Variants in SNX24 observed in about 807,000 individuals in gnomAD.
The protein encoded by SNX24 is sorting nexin-24.
Under a neutral mutation model 28.7 loss-of-function variants are expected in SNX24, and 22 were observed. The observed-to-expected ratio is 0.77, with a 90% CI of 0.55 to 1.10. The LOEUF (loss-of-function observed/expected upper bound fraction) is 1.10, where lower values mean the gene tolerates loss of function less well. Ranked by LOEUF, SNX24 falls within the 50% of genes least tolerant of loss-of-function variation. The probability of loss-of-function intolerance (pLI) is 0.00; values close to 1 mark genes in which losing one functional copy is unlikely to be tolerated. For synonymous variants in SNX24, 69 were observed against 71.5 expected (o/e 0.96, Z 0.18); for missense variants, 221 against 201.1 (o/e 1.10, Z -0.60).
intron 5 of SNX24, among the ~76,000 whole-genome samples, chr5:123,026,260 C>T (rs971844883): frequency 1.6e-4 from 25 of 152,176 alleles, no homozygotes; most frequent in African/African-American, 5.8e-4. Context: ...TCCATGACTT[C>T]GCTCTGAAGT....
At chr5:123,002,916 T>C (rs1335622352) in intron 6 of SNX24, among the ~76,000 whole-genome samples, 1 of 152,214 alleles carries the variant, frequency 6.6e-6, no homozygotes, top group African/African-American at 2.4e-5. Flanking sequence ...GATATTATCA[T>C]TGACTGAATG....
intron 1 of SNX24, chr5:122,891,055 A>T (rs1756945968): frequency 6.5e-7 from 1 of 1,528,394 alleles, no homozygotes. Context: ...AGAGCCTTCC[A>T]GACAAAAATG....
At chr5:122,929,037 G>T (rs1285207016) in intron 1 of SNX24, among the ~76,000 whole-genome samples, 3 of 151,894 alleles carry the variant, frequency 2.0e-5, no homozygotes, top group African/African-American at 4.8e-5. Context: ...TGTAAGTAAG[G>T]TCTGTTAGGG....
intron 1 of SNX24, among the ~76,000 whole-genome samples, chr5:122,860,671 A>C (rs1755419388): frequency 6.6e-6 from 1 of 152,122 alleles, no homozygotes; most frequent in South Asian, 2.1e-4. Flanking sequence ...GTCTTAGCTC[A>C]CTGCAAGCTC....
chr5:122,885,687 C>A (rs1029840939), intron 1 of SNX24, among the ~76,000 whole-genome samples: 10 of 152,070 alleles, frequency 6.6e-5, no homozygotes, highest in African/African-American at 2.4e-4. Context: ...GATGAGCAGC[C>A]AGTTAAGGTT....
chr5:122,896,671 T>C (rs1757215550), intron 1 of SNX24, among the ~76,000 whole-genome samples: 1 of 152,188 alleles, frequency 6.6e-6, no homozygotes, highest in African/African-American at 2.4e-5. Context: ...AACAATACCA[T>C]ATGTACTGTC....
chr5:122,847,247 T>C (rs2150026662), intron 1 of SNX24, among the ~76,000 whole-genome samples: 1 of 152,340 alleles, frequency 6.6e-6, no homozygotes, highest in South Asian at 2.1e-4. Flanking sequence ...TTGCCCATTG[T>C]TGATTTTCTT....
At chr5:123,018,762 C>T (rs892641669) in intron 5 of SNX24, among the ~76,000 whole-genome samples, 2 of 151,928 alleles carry the variant, frequency 1.3e-5, no homozygotes, top group African/African-American at 4.8e-5. Context: ...TATCGGCTCA[C>T]TGCAACCTCC....
chr5:122,891,550 A>T (rs949486513), intron 1 of SNX24, among the ~76,000 whole-genome samples: 1 of 152,146 alleles, frequency 6.6e-6, no homozygotes, highest in African/African-American at 2.4e-5. Context: ...TATAAGTATT[A>T]TAAGTCTTAC....
chr5:122,866,214 A>C (rs182138796), intron 1 of SNX24, among the ~76,000 whole-genome samples: 71 of 152,270 alleles, frequency 4.7e-4, no homozygotes, highest in Non-Finnish European at 1.9e-4. Flanking sequence ...CAGTGGCGAG[A>C]TCTCAGCTCA....
chr5:122,930,387 T>G (rs1758898634), intron 1 of SNX24, among the ~76,000 whole-genome samples: 1 of 152,262 alleles, frequency 6.6e-6, no homozygotes. Context: ...AGATGACTAT[T>G]AAATAATATT....
chr5:122,885,484 C>T (rs1438468645), intron 1 of SNX24, among the ~76,000 whole-genome samples: 1 of 152,184 alleles, frequency 6.6e-6, no homozygotes, highest in African/African-American at 2.4e-5. Flanking sequence ...TGGCTTCCTC[C>T]TTTCCCCCCT....
chr5:122,931,618 G>A (rs1385112729), intron 1 of SNX24, among the ~76,000 whole-genome samples: 1 of 151,958 alleles, frequency 6.6e-6, no homozygotes, highest in Non-Finnish European at 1.5e-5. Context: ...ATATATGCAT[G>A]TATATGTATA....
chr5:122,860,594 A>T (rs914894307), intron 1 of SNX24, among the ~76,000 whole-genome samples: 1 of 152,018 alleles, frequency 6.6e-6, no homozygotes, highest in Non-Finnish European at 1.5e-5. Flanking sequence ...GAGTGAAATA[A>T]TTTTTTTATT....
chr5:122,912,977 C>A (rs1757959440), intron 1 of SNX24, among the ~76,000 whole-genome samples: 1 of 152,030 alleles, frequency 6.6e-6, no homozygotes, highest in African/African-American at 2.4e-5. Flanking sequence ...CGCCCTTAAT[C>A]CATTTAACCC....
chr5:123,014,212 G>A (rs1762641219), intron 5 of SNX24, among the ~76,000 whole-genome samples: 1 of 152,050 alleles, frequency 6.6e-6, no homozygotes, highest in Admixed American at 6.6e-5. Flanking sequence ...TGTTGCCCAG[G>A]CTGGAGTACA....
At chr5:122,873,194 C>G (rs541959383) in intron 1 of SNX24, among the ~76,000 whole-genome samples, 1 of 152,146 alleles carries the variant, frequency 6.6e-6, no homozygotes, top group East Asian at 1.9e-4. Context: ...TGGGTGGTCT[C>G]AAACTCCCGG....
chr5:123,025,665 G>C (rs1762840241), intron 5 of SNX24: 1 of 1,017,100 alleles, frequency 9.8e-7, no homozygotes. Flanking sequence ...CACCTTTGAA[G>C]AGGCCAGTCA....
At chr5:122,925,310 T>C (rs1177443927) in intron 1 of SNX24, among the ~76,000 whole-genome samples, 1 of 144,304 alleles carries the variant, frequency 6.9e-6, no homozygotes, top group African/African-American at 2.6e-5. Context: ...TGATCATGGC[T>C]TACTGCAGTC....
Sources: gnomAD v4.1 joint callset for allele counts (sites outside exome capture counted in the v4.1 genomes callset) on GRCh38, gnomAD v4.1.1 for gene constraint, MANE v1.5 for transcripts, NCBI Gene and HGNC (gene_info 2026-07-23, HGNC 2026-07-21) for gene names.